MTHFD1L: variants seen among roughly 807,000 people sequenced by gnomAD.
MTHFD1L encodes monofunctional C1-tetrahydrofolate synthase, mitochondrial.
Under a neutral mutation model 119.5 loss-of-function variants are expected in MTHFD1L, and 81 were observed. The observed-to-expected ratio is 0.68, with a 90% confidence interval of 0.57 to 0.82. The LOEUF (loss-of-function observed/expected upper bound fraction) is 0.82. Ranked by LOEUF, MTHFD1L falls within the 40% of genes least tolerant of loss-of-function variation. The probability of loss-of-function intolerance (pLI) is 0.00; values close to 1 mark genes in which losing one functional copy is unlikely to be tolerated. For missense variants in MTHFD1L, 1,125 were observed against 1,253.4 expected (o/e 0.90, Z 1.55); for synonymous variants, 430 against 475.2 (o/e 0.90, Z 1.24).
chr6:151,048,882 A>G (rs955781552), intron 26 of MTHFD1L, among the ~76,000 whole-genome samples: 1 of 152,120 alleles, frequency 6.6e-6, no homozygotes, highest in Admixed American at 6.5e-5. Context: ...TTCCTTACAC[A>G]CCAAATATTT....
chr6:150,955,495 GTTTTTT>G (rs142879620), intron 16 of MTHFD1L, among the ~76,000 whole-genome samples: 106 of 117,106 alleles, frequency 9.1e-4, no homozygotes, highest in East Asian at 6.2e-3. Flanking sequence ...TGCTGGTTGG[GTTTTTT>G]TTTTTTTTTT....
rs1031496587 is a variant in MTHFD1L at position 151,095,219 on chromosome 6, A to G, written c.*31+2632A>G. ...TTTAACAAAGAAACCCATAAACTCAAGTGTTGATAAAATGTTGTTTCATCT... is the reference window on the plus strand; with the variant it reads ...TTTAACAAAGAAACCCATAAACTCAGGTGTTGATAAAATGTTGTTTCATCT... On this transcript the variant is annotated intron_variant, in intron 27 of 27. Transcript: ENST00000367321. Among the ~76,000 whole-genome samples the G allele has an allele frequency of 2.6e-5, 4 of 152,214 alleles. No individual in the cohort carries two copies. In the South Asian group the frequency reaches 6.2e-4, roughly 24 times the overall value.
intron 10 of MTHFD1L, among the ~76,000 whole-genome samples, chr6:150,923,541 T>C (rs868284381): frequency 3.1e-5 from 1 of 32,324 alleles, no homozygotes; most frequent in African/African-American, 1.3e-4. Flanking sequence ...TTATTTATTT[T>C]TTCTTTTTTT....
At chr6:151,101,058 C>A (rs904321486) in intron 27 of MTHFD1L, among the ~76,000 whole-genome samples, 1 of 152,126 alleles carries the variant, frequency 6.6e-6, no homozygotes, top group Non-Finnish European at 1.5e-5. Flanking sequence ...ACTCCGGAGG[C>A]TGTGGCGGGA....
rs376587603 is a variant in MTHFD1L at position 150,955,526 on chromosome 6, G to T, written c.1727-469G>T. Reference sequence around the variant, plus strand: ...TTTTTTTTTTTTTTTTTTAGAGGGGGTCTCACTCTGTCGCCCAGGCTGGAG... The same window carrying T: ...TTTTTTTTTTTTTTTTTTAGAGGGGTTCTCACTCTGTCGCCCAGGCTGGAG... On this transcript the variant is annotated intron_variant, in intron 16 of 27. Coordinates refer to ENST00000367321, the MANE Select transcript of MTHFD1L (RefSeq NM_015440.5). Among the ~76,000 whole-genome samples the T allele has an allele frequency of 9.1e-3, 1,277 of 139,956 alleles. 11 individuals are homozygous for T. The highest frequency in any genetic ancestry group is 0.031 in the African/African-American group (1,174 of 38,272). 91.8% of individuals were successfully genotyped at this position (139,956 alleles called of 152,430 possible).
At chr6:151,030,951 C>G (rs1785261826) in intron 24 of MTHFD1L, among the ~76,000 whole-genome samples, 1 of 152,230 alleles carries the variant, frequency 6.6e-6, no homozygotes, top group South Asian at 2.1e-4. Context: ...GAGGCCAATG[C>G]AGGAAAATCA....
At chr6:150,899,120 T>G (rs1471817857) in intron 7 of MTHFD1L, 1 of 384,564 alleles carries the variant, frequency 2.6e-6, no homozygotes, top group Non-Finnish European at 3.6e-6. Context: ...TATTTTCTTC[T>G]CATATGTTGA....
At chr6:150,952,003 G>T (rs1794942031) in intron 16 of MTHFD1L, among the ~76,000 whole-genome samples, 1 of 152,166 alleles carries the variant, frequency 6.6e-6, no homozygotes, top group Non-Finnish European at 1.5e-5. Context: ...CAGGGCAATG[G>T]CTTAGACATG....
chr6:151,070,922 C>T (rs532068723), intron 26 of MTHFD1L, among the ~76,000 whole-genome samples: 1 of 152,152 alleles, frequency 6.6e-6, no homozygotes, highest in African/African-American at 2.4e-5. Context: ...TTCCCTAAAG[C>T]AGATAGCCAA....
chr6:151,046,481 A>G (rs1366694657), intron 26 of MTHFD1L, among the ~76,000 whole-genome samples: 374 of 32,852 alleles, frequency 0.011, 6 homozygotes, highest in African/African-American at 0.032. Flanking sequence ...GTATATATAT[A>G]TATATATATA....
rs548271804 is a variant in MTHFD1L, at chr6:151,042,449, A to G, written c.2847+5332A>G. Among the ~76,000 whole-genome samples, 5 of 152,332 alleles carry G rather than the reference A, an allele frequency of 3.3e-5. No individual in the cohort carries two copies. The East Asian group carries it at 5.8e-4, about 18-fold the overall frequency. ...TTGTTTTTTAAGGTTTTCCAACCCT[A>G]TATTCTACTACAAATTACCCTGTTA... On this transcript the variant is annotated intron_variant, in intron 26 of 27. Transcript: ENST00000367321.
chr6:150,875,026 G>A (rs1216260405), intron 1 of MTHFD1L, among the ~76,000 whole-genome samples: 2 of 151,224 alleles, frequency 1.3e-5, no homozygotes, highest in Non-Finnish European at 2.9e-5. Flanking sequence ...GGGATTACAG[G>A]CGTGAGCCAC....
chr6:151,033,215 G>A (rs896964679), intron 24 of MTHFD1L, among the ~76,000 whole-genome samples: 2 of 151,862 alleles, frequency 1.3e-5, no homozygotes, highest in African/African-American at 4.8e-5. Context: ...TGCCTCCCAG[G>A]GTCAAGCGAT....
Position 150,910,605 on chromosome 6 carries a change from G to A in MTHFD1L, c.892+4844G>A, listed in dbSNP as rs965526669. 5.9e-5 allele frequency among the ~76,000 whole-genome samples: 9 copies of A among 151,826 alleles called. No individual in the cohort carries two copies. In the East Asian group the frequency reaches 1.2e-3, roughly 20 times the overall value. On this transcript the variant is annotated intron_variant, in intron 8 of 27. Transcript: ENST00000367321. Reference sequence around the variant, plus strand: ...TAATTGCATTGCACTTACAGGCTGTGTGACTTTGAGGAAATAAGCTCTCTG... The same window carrying A: ...TAATTGCATTGCACTTACAGGCTGTATGACTTTGAGGAAATAAGCTCTCTG...
chr6:151,061,914 A>C (rs73622440), intron 26 of MTHFD1L, among the ~76,000 whole-genome samples: 7,523 of 152,288 alleles, frequency 0.049, 604 homozygotes, highest in African/African-American at 0.17. Context: ...ACAAAATGAC[A>C]AAGTCAGGCA....
chr6:150,943,288 T>A (rs986871387), intron 13 of MTHFD1L, among the ~76,000 whole-genome samples: 1 of 151,080 alleles, frequency 6.6e-6, no homozygotes, highest in Admixed American at 6.6e-5. Context: ...AAAAAATAAA[T>A]AAAATAAAAA....
At chr6:151,025,767 G>C (rs185320173) in intron 24 of MTHFD1L, among the ~76,000 whole-genome samples, 6 of 152,294 alleles carry the variant, frequency 3.9e-5, no homozygotes, top group Non-Finnish European at 7.3e-5. Flanking sequence ...ACTTCATTTG[G>C]TGCAGGGCTG....
chr6:151,032,001 T>C (rs1785397815), intron 24 of MTHFD1L, among the ~76,000 whole-genome samples: 1 of 152,222 alleles, frequency 6.6e-6, no homozygotes, highest in Admixed American at 6.5e-5. Flanking sequence ...TTCTTTCTTC[T>C]TTTCCGTTGA....
intron 27 of MTHFD1L, among the ~76,000 whole-genome samples, chr6:151,098,834 A>G (rs1242764843): frequency 1.3e-5 from 2 of 152,174 alleles, no homozygotes; most frequent in Non-Finnish European, 1.5e-5. Flanking sequence ...GTTTTCATCT[A>G]TAATGAGACT....
Sources: gnomAD v4.1 joint callset for allele counts (sites outside exome capture counted in the v4.1 genomes callset) on GRCh38, gnomAD v4.1.1 for gene constraint, MANE v1.5 for transcripts, NCBI Gene and HGNC (gene_info 2026-07-23, HGNC 2026-07-21) for gene names.